Variants in DLG2 observed in about 807,000 individuals in gnomAD.
The protein encoded by DLG2 is disks large homolog 2.
DLG2 carries 45 observed loss-of-function variants against 132.5 expected under a neutral mutation model. The ratio of observed to expected loss-of-function variants is 0.34; its 90% CI spans 0.27 to 0.44. The LOEUF (loss-of-function observed/expected upper bound fraction) is 0.44, where lower values mean the gene tolerates loss of function less well. Among genes scored for constraint, DLG2 ranks in the 20% least tolerant of loss-of-function variants. The pLI is 1.00. For missense variants in DLG2, 1,045 were observed against 1,196.9 expected (o/e 0.87, Z 1.87); for synonymous variants, 424 against 419.6 (o/e 1.01, Z -0.13).
intron 3 of DLG2, among the ~76,000 whole-genome samples, chr11:85,394,075 A>G (rs988949283): frequency 4.6e-5 from 7 of 152,204 alleles, no homozygotes; most frequent in African/African-American, 1.4e-4. Flanking sequence ...TTCAAGTGGA[A>G]AATCTAGAAA....
intron 7 of DLG2, among the ~76,000 whole-genome samples, chr11:84,445,982 C>T (rs2099033447): frequency 6.7e-6 from 1 of 148,628 alleles, no homozygotes; most frequent in Non-Finnish European, 1.5e-5. Flanking sequence ...TTTTCCCTCA[C>T]TCTCATTATT....
intron 2 of DLG2, among the ~76,000 whole-genome samples, chr11:85,603,118 T>C (rs960600247): frequency 1.3e-5 from 2 of 152,224 alleles, no homozygotes; most frequent in African/African-American, 2.4e-5. Context: ...TAACAAAGAA[T>C]GGTGATATAA....
At chr11:84,906,512 A>G (rs992539859) in intron 6 of DLG2, among the ~76,000 whole-genome samples, 1 of 152,042 alleles carries the variant, frequency 6.6e-6, no homozygotes, top group African/African-American at 2.4e-5. Context: ...AGGAGACATG[A>G]TAATTTGGAG....
chr11:84,568,906 G>T (rs1378767288), intron 6 of DLG2, among the ~76,000 whole-genome samples: 3 of 152,284 alleles, frequency 2.0e-5, no homozygotes, highest in African/African-American at 7.2e-5. Context: ...AAATTCTAAG[G>T]AGCATAACGT....
rs142383230 is a variant in DLG2, at chr11:85,424,039, C to T, written c.41-138674G>A. Among the ~76,000 whole-genome samples the T allele has an allele frequency of 1.7e-4, 26 of 152,310 alleles. No individual in the cohort carries two copies. In the East Asian group the frequency reaches 5.0e-3, roughly 29 times the overall value. Reference sequence around the variant, plus strand: ...GCCTTTTCCCAGTGCCTCTGGCCAACCTCCCAAAGGACCCCATGAGGCCAG... The same window carrying T: ...GCCTTTTCCCAGTGCCTCTGGCCAATCTCCCAAAGGACCCCATGAGGCCAG... On this transcript the variant is annotated intron_variant, in intron 3 of 27. Transcript: ENST00000376104.
intron 5 of DLG2, among the ~76,000 whole-genome samples, chr11:85,136,025 T>A (rs1056370652): frequency 6.6e-6 from 1 of 152,140 alleles, no homozygotes; most frequent in African/African-American, 2.4e-5. Flanking sequence ...GAAAAGAGAA[T>A]TGCGTGCACT....
chr11:84,047,273 G>T (rs1186392365), intron 11 of DLG2, among the ~76,000 whole-genome samples: 7 of 151,604 alleles, frequency 4.6e-5, no homozygotes, highest in Non-Finnish European at 1.0e-4. Context: ...GTGAATAGAT[G>T]ATTGTTTTCT....
At chr11:84,718,233 G>A (rs2061435245) in intron 6 of DLG2, among the ~76,000 whole-genome samples, 1 of 152,046 alleles carries the variant, frequency 6.6e-6, no homozygotes, top group Admixed American at 6.5e-5. Flanking sequence ...ATGGGTTAGA[G>A]TCTCTAAAAG....
At chr11:85,492,560 T>G (rs986414230) in intron 3 of DLG2, among the ~76,000 whole-genome samples, 1 of 152,198 alleles carries the variant, frequency 6.6e-6, no homozygotes, top group Admixed American at 6.5e-5. Flanking sequence ...AACATTTTTG[T>G]TTTGCTTTTT....
At position 84,521,542 on chromosome 11, in the gene DLG2, G is replaced by A. The variant is rs907341908; in HGVS notation, c.519+13028C>T. 5.9e-5 allele frequency among the ~76,000 whole-genome samples: 9 copies of A among 152,232 alleles called. No homozygotes were observed. The South Asian group carries it at 1.7e-3, about 28-fold the overall frequency. On this transcript the variant is annotated intron_variant, in intron 7 of 27. Coordinates refer to ENST00000376104, the MANE Select transcript of DLG2 (RefSeq NM_001142699.3). ...AGATGTAAGTCTAGTGATTCTATGA[G>A]GCTTCCTATTGGATATTGCGTTATC...
intron 6 of DLG2, among the ~76,000 whole-genome samples, chr11:85,002,232 T>C (rs2058281428): frequency 1.3e-5 from 2 of 152,116 alleles, no homozygotes; most frequent in African/African-American, 2.4e-5. Flanking sequence ...CCTCTAAAAA[T>C]ATCACATCAT....
intron 3 of DLG2, among the ~76,000 whole-genome samples, chr11:85,401,829 T>C (rs548325918): frequency 6.6e-6 from 1 of 151,838 alleles, no homozygotes; most frequent in Non-Finnish European, 1.5e-5. Context: ...CACTTCTCAA[T>C]GAAATAAAAG....
intron 11 of DLG2, among the ~76,000 whole-genome samples, chr11:83,995,232 A>C (rs2093961367): frequency 6.6e-6 from 1 of 152,156 alleles, no homozygotes; most frequent in Admixed American, 6.6e-5. Flanking sequence ...AAAGAATTAT[A>C]AATAAACAGC....
chr11:83,559,077 A>G (rs1274694392), intron 19 of DLG2, among the ~76,000 whole-genome samples: 3 of 152,160 alleles, frequency 2.0e-5, no homozygotes, highest in Non-Finnish European at 4.4e-5. Flanking sequence ...GCTTCATGGA[A>G]TAGGTAGTAT....
chr11:84,394,663 C>T (rs1257953183), intron 7 of DLG2, among the ~76,000 whole-genome samples: 1 of 150,176 alleles, frequency 6.7e-6, no homozygotes, highest in Non-Finnish European at 1.5e-5. Context: ...GAGTCTTGCT[C>T]TGTCACCCAG....
At chr11:85,069,443 A>G (rs911579467) in intron 6 of DLG2, among the ~76,000 whole-genome samples, 2 of 152,188 alleles carry the variant, frequency 1.3e-5, no homozygotes, top group African/African-American at 2.4e-5. Context: ...CAAGAACTCA[A>G]ACAAACTTAC....
intron 3 of DLG2, among the ~76,000 whole-genome samples, chr11:85,364,753 C>G (rs1341562975): frequency 6.6e-6 from 1 of 152,156 alleles, no homozygotes; most frequent in Non-Finnish European, 1.5e-5. Context: ...TTAGTGTTAA[C>G]AATTCCATGA....
At chr11:84,265,704 T>C (rs1208391461) in intron 7 of DLG2, among the ~76,000 whole-genome samples, 2 of 152,112 alleles carry the variant, frequency 1.3e-5, no homozygotes, top group Non-Finnish European at 2.9e-5. Context: ...GTAGTAGTAG[T>C]AGTAGTAGAG....
At chr11:85,104,765 T>C (rs1346808284) in intron 6 of DLG2, among the ~76,000 whole-genome samples, 1 of 148,838 alleles carries the variant, frequency 6.7e-6, no homozygotes, top group Non-Finnish European at 1.5e-5. Context: ...AAAAAACTGA[T>C]GGAAAACAAC....
Sources: gnomAD v4.1 joint callset for allele counts (sites outside exome capture counted in the v4.1 genomes callset) on GRCh38, gnomAD v4.1.1 for gene constraint, MANE v1.5 for transcripts, NCBI Gene and HGNC (gene_info 2026-07-23, HGNC 2026-07-21) for gene names.